Variants in MAP1B observed in about 807,000 individuals in gnomAD.
MAP1B encodes the protein microtubule associated protein 1B.
A neutral mutation model predicts 176.1 loss-of-function variants in MAP1B; 12 were observed. That is an observed-to-expected ratio of 0.07 (90% CI 0.04 to 0.11). The LOEUF (loss-of-function observed/expected upper bound fraction) is 0.11, where lower values mean the gene tolerates loss of function less well. Among genes scored for constraint, MAP1B ranks in the 10% least tolerant of loss-of-function variants. The pLI, the probability that MAP1B is intolerant of heterozygous loss-of-function variation, is 1.00. For synonymous variants in MAP1B, 1,044 were observed against 1,135.0 expected (o/e 0.92, Z 1.61); for missense variants, 2,523 against 2,990.5 (o/e 0.84, Z 3.65).
chr5:72,173,980 A>C (rs779037563), intron 2 of MAP1B, among the ~76,000 whole-genome samples: 1 of 152,210 alleles, frequency 6.6e-6, no homozygotes, highest in Non-Finnish European at 1.5e-5. Flanking sequence ...GTACAAAAAA[A>C]TTAGCCAGCC....
In MAP1B at chr5:72,115,704, G is replaced by A. The variant is rs1206154060; in HGVS notation, c.191G>A (p.Arg64Gln). Residue 64 changes from arginine to glutamine, a missense_variant, in exon 2 of 7, where the codon CGA becomes CAA. Physicochemically the swap from Arg to Gln is conservative, Grantham distance 43. Transcript: ENST00000296755. ...TCTTTCTTTCCCTCCCTAGGAATCC[G>A]ATCATGGGACACAAACCTGATTGAA... ...RAIGNIELGI[R>Q]SWDTNLIECN... The A allele has an allele frequency of 8.1e-6, 13 of 1,604,750 alleles. No homozygotes were observed. Among genetic ancestry groups the A allele is most frequent in the Admixed American group, 1.7e-5 (1 of 59,962 alleles).
intron 2 of MAP1B, chr5:72,179,924 A>T: frequency 6.1e-6 from 6 of 985,482 alleles, no homozygotes; most frequent in Non-Finnish European, 7.2e-6. Context: ...GGCAACTGTC[A>T]CGTGGCATTT....
At position 72,207,056 on chromosome 5, in the gene MAP1B, A is replaced by T. The variant is rs754304848; in HGVS notation, c.*1817A>T. ...AAAAATAAAAGAAATAGTACATTGA[A>T]AACAAATGAATTCTCAACTCCTACG... On this transcript the variant is annotated 3_prime_UTR_variant, in exon 7 of 7. Transcript: ENST00000296755. 1 of 152,238 alleles carries T rather than the reference A, an allele frequency of 6.6e-6. No homozygotes were observed. Among genetic ancestry groups the T allele is most frequent in the Non-Finnish European group, 1.5e-5 (1 of 68,050 alleles). 9.4% of individuals were successfully genotyped at this position (152,238 alleles called of 1,614,324 possible).
intron 2 of MAP1B, among the ~76,000 whole-genome samples, chr5:72,182,023 CTTTTTTT>C (rs34251206): frequency 2.8e-4 from 27 of 94,744 alleles, no homozygotes; most frequent in South Asian, 1.7e-3. Flanking sequence ...CGCACCTGGC[CTTTTTTT>C]TTTTTTTTTT....
chr5:72,149,140 A>T (rs979392565), intron 2 of MAP1B, among the ~76,000 whole-genome samples: 13 of 151,968 alleles, frequency 8.6e-5, no homozygotes, highest in South Asian at 2.1e-4. Flanking sequence ...TCTTATTTTT[A>T]AAAAAATTGA....
At chr5:72,136,183 G>A (rs955880193) in intron 2 of MAP1B, among the ~76,000 whole-genome samples, 9 of 152,082 alleles carry the variant, frequency 5.9e-5, no homozygotes, top group Admixed American at 4.6e-4. Context: ...ATGGGCATGT[G>A]CTATCCCCTG....
chr5:72,200,065 A>G lies in MAP1B; in HGVS notation c.6710A>G (p.Lys2237Arg). The G allele has an allele frequency of 1.9e-6, 3 of 1,614,196 alleles. No individual in the cohort carries two copies. In the South Asian group the frequency reaches 3.3e-5, roughly 18 times the overall value. ...IEQNLGKALKKDLKEKTKTKK... is the reference protein window; with the variant it reads ...IEQNLGKALKRDLKEKTKTKK... Reference sequence around the variant, plus strand: ...CAGAACCTGGGCAAAGCTCTAAAGAAAGATCTGAAAGAGAAGACCAAAACC... The same window carrying G: ...CAGAACCTGGGCAAAGCTCTAAAGAGAGATCTGAAAGAGAAGACCAAAACC... Residue 2237 changes from lysine to arginine, a missense_variant, in exon 5 of 7, where the codon AAA (lysine) becomes AGA (arginine). Lys to Arg is a conservative substitution (Grantham distance 26, BLOSUM62 2). This residue lies in a region of MAP1B where 287 missense variants were observed against 401.5 expected (regional missense o/e 0.71). Transcript: ENST00000296755.
rs182651785 is a variant in MAP1B at position 72,163,307 on chromosome 5, A to G, written c.287-20436A>G. ...GACTCACTGGACATACTGTGTGAAG[A>G]GTTCTCTGACTCTAGATAGCTTTGT... On this transcript the variant is annotated intron_variant, in intron 2 of 6. Transcript: ENST00000296755. 5.9e-5 allele frequency among the ~76,000 whole-genome samples: 9 copies of G among 151,778 alleles called. No individual in the cohort carries two copies. The East Asian group carries it at 1.7e-3, about 29-fold the overall frequency.
chr5:72,193,672 C>T (rs781464644), intron 4 of MAP1B, among the ~76,000 whole-genome samples, 194 bp from the exon 5 acceptor site: 2 of 152,122 alleles, frequency 1.3e-5, no homozygotes, highest in African/African-American at 4.8e-5. Flanking sequence ...GGGCTCAGGA[C>T]AAAGGCTGTT....
At chr5:72,122,945 G>GT (rs200983987) in intron 2 of MAP1B, among the ~76,000 whole-genome samples, 21 of 151,496 alleles carry the variant, frequency 1.4e-4, no homozygotes, top group Admixed American at 5.3e-4. Context: ...TGTTAGTAGA[G>GT]TTTTTTTTTA....
Position 72,195,784 on chromosome 5 carries a change from C to A in MAP1B, c.2429C>A (p.Ala810Glu). Residue 810 changes from alanine (A) to glutamate (E), a missense_variant, in exon 5 of 7, where the codon GCG becomes GAG. Coordinates refer to ENST00000296755, the MANE Select transcript of MAP1B (RefSeq NM_005909.5). ...GGAGCCACCACAGCAGCTGTCATGG[C>A]GGCAGCTGGAATAGCAGCCATTGGC... ...GTGATTAAVMAAAGIAAIGPA... is the reference protein window; with the variant it reads ...GTGATTAAVMEAAGIAAIGPA... The A allele has an allele frequency of 1.2e-6, 2 of 1,614,006 alleles. No homozygotes were observed. Among genetic ancestry groups the A allele is most frequent in the East Asian group, 2.2e-5 (1 of 44,886 alleles).
chr5:72,195,836 G>T lies in MAP1B; in HGVS notation c.2481G>T (p.Arg827Ser). 1 of 1,614,248 alleles carries T rather than the reference G, an allele frequency of 6.2e-7. No individual in the cohort carries two copies. Among genetic ancestry groups the T allele is most frequent in the Non-Finnish European group, 8.5e-7 (1 of 1,180,046 alleles). Residue 827 changes from arginine (R) to serine (S), a missense_variant, in exon 5 of 7, where the codon AGG (arginine) becomes AGT (serine). By Grantham distance (110) the Arg-to-Ser change is moderately radical. Around this residue, in one of 4 missense-constraint regions of MAP1B, gnomAD observed 1,925 missense variants for 2,126.0 expected, o/e 0.91. Transcript: ENST00000296755. ...CTGCCAAAGAACTCGAAGCTGAGAGGTCCCTTATGTCATCTCCTGAGGATC... is the reference window on the plus strand; with the variant it reads ...CTGCCAAAGAACTCGAAGCTGAGAGTTCCCTTATGTCATCTCCTGAGGATC... ...IGPAKELEAE[R>S]SLMSSPEDLT...
In MAP1B at chr5:72,204,380, C is replaced by T. The variant is rs541691484; in HGVS notation, c.7251+579C>T. Among the ~76,000 whole-genome samples, 4 of 152,290 alleles carry T rather than the reference C, an allele frequency of 2.6e-5. No homozygotes were observed. In the East Asian group the frequency reaches 7.7e-4, roughly 29 times the overall value. On this transcript the variant is annotated intron_variant, in intron 6 of 6. Coordinates refer to ENST00000296755, the MANE Select transcript of MAP1B (RefSeq NM_005909.5). The surrounding 1 kb of genome is among the most constrained non-coding windows in gnomAD (Gnocchi z 4.4). The stretch of plus-strand genomic sequence containing the variant: ...TGTTGCCCAGGCTGGTCTCGAACTC[C>T]TGGCCTTAAATGATTCTTAGAACCA...
At chr5:72,200,772 G>C (rs1030950225) in intron 5 of MAP1B, among the ~76,000 whole-genome samples, 9 of 152,192 alleles carry the variant, frequency 5.9e-5, no homozygotes, top group Non-Finnish European at 7.3e-5. Context: ...AGGAGAACCA[G>C]AGGTTTCACA....
At chr5:72,134,172 A>G (rs1031894707) in intron 2 of MAP1B, among the ~76,000 whole-genome samples, 1 of 152,254 alleles carries the variant, frequency 6.6e-6, no homozygotes, top group Admixed American at 6.5e-5. Flanking sequence ...TGATTGAAAA[A>G]GAAAAATGCA....
chr5:72,191,506 G>A (rs572249078), intron 4 of MAP1B, among the ~76,000 whole-genome samples: 10 of 152,250 alleles, frequency 6.6e-5, no homozygotes, highest in Non-Finnish European at 1.2e-4. Context: ...GGTCTGGAAA[G>A]AGGCTGTGGG....
At chr5:72,109,723 C>G (rs1332617405) in intron 1 of MAP1B, among the ~76,000 whole-genome samples, 1 of 152,164 alleles carries the variant, frequency 6.6e-6, no homozygotes, top group African/African-American at 2.4e-5. Flanking sequence ...GTTTTCTGAC[C>G]CTGTCATGAT....
chr5:72,107,642 C>T lies in MAP1B; in HGVS notation c.111C>T (p.Phe37=). 6.2e-7 allele frequency: 1 copy of T among 1,600,488 alleles called. No homozygotes were observed. The highest frequency in any genetic ancestry group is 1.1e-5 in the South Asian group (1 of 91,020). The change falls in exon 1 of 7, where the codon TTC becomes TTT. Residue 37 remains phenylalanine, a synonymous_variant. Transcript: ENST00000296755. ...SLSHRFLDSK[F]YLLVVVGEIV... The stretch of plus-strand genomic sequence containing the variant: ...CGCACCGCTTCCTTGACAGCAAGTT[C>T]TACTTGCTGGTGGTCGTCGGCGAGA...
At chr5:72,116,956 T>C (rs1465701852) in intron 2 of MAP1B, among the ~76,000 whole-genome samples, 1 of 152,132 alleles carries the variant, frequency 6.6e-6, no homozygotes, top group African/African-American at 2.4e-5. Context: ...AATATGCCCA[T>C]AGGACTGTCT....
Sources: allele counts gnomAD v4.1 joint callset (sites outside exome capture counted in the v4.1 genomes callset), GRCh38; gene constraint gnomAD v4.1.1; regional missense constraint gnomAD v4.1.1; non-coding constraint Gnocchi (gnomAD v3.1); transcripts MANE v1.5; gene names NCBI Gene and HGNC (gene_info 2026-07-23, HGNC 2026-07-21).